Variants in NHSL2 observed in about 807,000 individuals in gnomAD.
NHSL2 encodes NHS-like protein 2.
A neutral mutation model predicts 53.4 loss-of-function variants in NHSL2; 27 were observed. The observed-to-expected ratio is 0.51, with a 90% confidence interval of 0.37 to 0.70. The LOEUF (loss-of-function observed/expected upper bound fraction) is 0.70, where lower values mean the gene tolerates loss of function less well. Ranked by LOEUF, NHSL2 falls within the 30% of genes least tolerant of loss-of-function variation. The pLI is 0.00. For missense variants in NHSL2, 892 were observed against 980.1 expected (o/e 0.91, Z 1.20); for synonymous variants, 408 against 404.1 (o/e 1.01, Z -0.12).
intron 1 of NHSL2, among the ~76,000 whole-genome samples, chrX:71,987,019 C>G (rs761930476): frequency 1.8e-5 from 2 of 111,512 alleles, no homozygotes; most frequent in African/African-American, 6.5e-5. Flanking sequence ...ACCAAAAACA[C>G]ATTTCACTTT....
intron 1 of NHSL2, among the ~76,000 whole-genome samples, chrX:72,021,411 C>T (rs766349715): frequency 8.9e-6 from 1 of 112,008 alleles, no homozygotes; most frequent in Non-Finnish European, 1.9e-5. Context: ...AATCACTGGA[C>T]GTGTGTGCTT....
chrX:72,055,032 C>A (rs1015713903), intron 1 of NHSL2, among the ~76,000 whole-genome samples: 1 of 111,722 alleles, frequency 9.0e-6, no homozygotes, highest in Non-Finnish European at 1.9e-5. Context: ...GCTTCCTAAC[C>A]CCCTTCTTTA....
intron 1 of NHSL2, among the ~76,000 whole-genome samples, chrX:71,994,298 C>CTGTGTGTGTGTGTGTG (rs10673341): frequency 0.027 from 2,454 of 90,020 alleles, 71 homozygotes; most frequent in African/African-American, 0.061. Context: ...GAGGCTCCCT[C>CTGTGTGTGTGTGTGTG]TGTGTGTGTG....
intron 1 of NHSL2, among the ~76,000 whole-genome samples, chrX:72,034,869 T>G (rs2042233557): frequency 8.9e-6 from 1 of 112,154 alleles, no homozygotes; most frequent in Non-Finnish European, 1.9e-5. Flanking sequence ...AATGAACTTT[T>G]GTTTCATGGA....
At chrX:72,036,842 T>C (rs2042243933) in intron 1 of NHSL2, among the ~76,000 whole-genome samples, 1 of 112,388 alleles carries the variant, frequency 8.9e-6, no homozygotes, top group African/African-American at 3.2e-5. Flanking sequence ...TGTGTTCTTT[T>C]TGATATCTTC....
chrX:72,097,410 C>T (rs1028945638), intron 1 of NHSL2, among the ~76,000 whole-genome samples: 1 of 112,059 alleles, frequency 8.9e-6, no homozygotes, highest in Non-Finnish European at 1.9e-5. Context: ...ATTGCACTGC[C>T]AGGTTCTTAA....
intron 1 of NHSL2, among the ~76,000 whole-genome samples, chrX:72,046,177 G>A (rs7065080): frequency 0.023 from 2,594 of 112,246 alleles, 88 homozygotes; most frequent in African/African-American, 0.08. Flanking sequence ...AAGGTTTGGA[G>A]TTTCTTTGCT....
At position 72,139,798 on chromosome X, in the gene NHSL2, G is replaced by A; in HGVS notation, c.2250G>A (p.Glu750=). The part of the protein sequence containing the change: ...SSVRVRPVVP[E]RKSSLPPTSP... ...TCCGGGTACGTCCAGTGGTACCTGA[G>A]AGGAAGTCATCACTACCCCCGACGT... Residue 750 remains glutamate (E), a synonymous_variant, in exon 6 of 8, where the codon GAG becomes GAA. Coordinates refer to ENST00000633930, the MANE Select transcript of NHSL2 (RefSeq NM_001013627.3). 5 of 1,211,374 alleles carry A rather than the reference G, an allele frequency of 4.1e-6. No individual in the cohort carries two copies. The highest frequency in any genetic ancestry group is 2.2e-5 in the Admixed American group (1 of 46,014).
chrX:72,012,519 G>T (rs2042120257), intron 1 of NHSL2, among the ~76,000 whole-genome samples: 1 of 112,515 alleles, frequency 8.9e-6, no homozygotes, highest in African/African-American at 3.2e-5. Flanking sequence ...CCATGTCACT[G>T]CAATCTCTAC....
Position 72,143,647 on chromosome X carries a change from C to A in NHSL2, c.*73C>A. 2 of 674,109 alleles carry A rather than the reference C, an allele frequency of 3.0e-6. No individual in the cohort carries two copies. The highest frequency in any genetic ancestry group is 4.4e-6 in the Non-Finnish European group (2 of 453,376). 55.6% of individuals were successfully genotyped at this position (674,109 alleles called of 1,213,427 possible). A position where few individuals can be genotyped will look rare whatever the true frequency, so the allele number is the denominator to read the frequency against. ...AGGGGGAAGAGAAAGGGTCTTTAAA[C>A]AGAACCATGGGAACAACAGAGCCTA... On this transcript the variant is annotated 3_prime_UTR_variant, in exon 8 of 8. Transcript: ENST00000633930.
chrX:72,018,536 G>A (rs1361314697), intron 1 of NHSL2, among the ~76,000 whole-genome samples: 1 of 112,947 alleles, frequency 8.9e-6, no homozygotes, highest in Non-Finnish European at 1.9e-5. Flanking sequence ...CGCTACCGTC[G>A]GGGGCCGGCC....
intron 1 of NHSL2, chrX:72,131,805 C>G (rs186715317): frequency 4.3e-6 from 1 of 231,981 alleles, no homozygotes; most frequent in East Asian, 9.0e-5. Flanking sequence ...CCGGAGGCGC[C>G]AGGCGGAGGA....
intron 1 of NHSL2, among the ~76,000 whole-genome samples, chrX:71,940,202 T>C (rs1256653920): frequency 8.9e-6 from 1 of 111,866 alleles, no homozygotes; most frequent in East Asian, 2.8e-4. Context: ...AGTTTCAAGA[T>C]AGAGGCAGTG....
intron 1 of NHSL2, among the ~76,000 whole-genome samples, chrX:72,003,432 C>T (rs2042080574): frequency 1.8e-5 from 2 of 111,800 alleles, no homozygotes; most frequent in Non-Finnish European, 3.8e-5. Flanking sequence ...CTCCAGGTTT[C>T]ATGTGTCCAC....
chrX:71,922,353 C>T (rs1326219820), intron 1 of NHSL2, among the ~76,000 whole-genome samples: 1 of 111,323 alleles, frequency 9.0e-6, no homozygotes, highest in Non-Finnish European at 1.9e-5. Flanking sequence ...TCAGCAGCCC[C>T]CCTGGGAAAT....
chrX:71,942,071 G>C (rs1294790016), intron 1 of NHSL2, among the ~76,000 whole-genome samples: 2 of 111,293 alleles, frequency 1.8e-5, no homozygotes, highest in Non-Finnish European at 3.8e-5. Context: ...GGGTGGATGA[G>C]GGAAGGAAAG....
intron 1 of NHSL2, among the ~76,000 whole-genome samples, chrX:72,082,933 T>C (rs1189463748): frequency 6.2e-5 from 7 of 112,145 alleles, no homozygotes; most frequent in Non-Finnish European, 9.4e-5. Flanking sequence ...CTGGGATCAG[T>C]AGCCTAAAAC....
At chrX:71,918,023 C>G (rs980539896) in intron 1 of NHSL2, among the ~76,000 whole-genome samples, 1 of 112,105 alleles carries the variant, frequency 8.9e-6, no homozygotes, top group African/African-American at 3.2e-5. Context: ...TTTATCTACA[C>G]TCAAGTTTTC....
intron 5 of NHSL2, among the ~76,000 whole-genome samples, chrX:72,138,017 G>T (rs2042374732): frequency 9.0e-6 from 1 of 111,254 alleles, no homozygotes; most frequent in African/African-American, 3.3e-5. Flanking sequence ...TTGCATCTTG[G>T]GCATGCTCCA....
Sources: gnomAD v4.1 joint callset for allele counts (sites outside exome capture counted in the v4.1 genomes callset) on GRCh38, gnomAD v4.1.1 for gene constraint, MANE v1.5 for transcripts, NCBI Gene and HGNC (gene_info 2026-07-23, HGNC 2026-07-21) for gene names.